The following SPAM1 variants were observed in gnomAD, a reference collection of about 807,000 sequenced individuals.
SPAM1 encodes the protein sperm adhesion molecule 1, also known as hyaluronidase PH-20.
Under a neutral mutation model 29.6 loss-of-function variants are expected in SPAM1, and 22 were observed. That is an observed-to-expected ratio of 0.74 (90% CI 0.53 to 1.06). SPAM1 has a LOEUF of 1.06. Ranked by LOEUF, SPAM1 falls within the 50% of genes least tolerant of loss-of-function variation. The pLI is 0.00. For synonymous variants in SPAM1, 194 were observed against 204.6 expected, an observed-to-expected ratio of 0.95 and a Z score of 0.44; for missense variants, 534 against 604.0, an observed-to-expected ratio of 0.88 and a Z score of 1.21.
chr7:123,971,106 C>A (rs1429757947), exon 7 of SPAM1: 2 of 152,080 alleles, frequency 1.3e-5, no homozygotes, highest in African/African-American at 4.8e-5. Flanking sequence ...CAAAGATAGA[C>A]CTTCCCTCAA....
rs756806194 is a variant in SPAM1 at position 123,959,569 on chromosome 7, G to A, written c.1130G>A (p.Ser377Asn). The A allele has an allele frequency of 6.2e-7, 1 of 1,613,110 alleles. No homozygotes were observed. The highest frequency in any genetic ancestry group is 1.1e-5 in the South Asian group (1 of 91,056). ...INVTLAAKMC[S>N]QVLCQEQGVC... ...GTCACACTAGCAGCCAAAATGTGTA[G>A]CCAAGTGCTTTGCCAGGAGCAAGGA... Residue 377 changes from serine to asparagine, a missense_variant, in exon 5 of 5, where the codon AGC becomes AAC. By Grantham distance (46) the Ser-to-Asn change is conservative. Coordinates refer to ENST00000682466, the MANE Select transcript of SPAM1 (RefSeq NM_153189.3).
downstream of SPAM1, among the ~76,000 whole-genome samples, chr7:123,962,730 A>ATAC (rs1416853846): frequency 1.3e-5 from 2 of 151,896 alleles, no homozygotes; most frequent in Non-Finnish European, 2.9e-5. Context: ...TTATGAAATA[A>ATAC]TACTAAGTGG....
At chr7:123,930,325 A>G (rs1168596932) in intron 1 of SPAM1, among the ~76,000 whole-genome samples, 1 of 152,170 alleles carries the variant, frequency 6.6e-6, no homozygotes, top group Non-Finnish European at 1.5e-5. Flanking sequence ...CCATTCTAAC[A>G]GTAACTCAAT....
In SPAM1 at chr7:123,953,521, C is replaced by A. The variant is rs745762504; in HGVS notation, c.-50C>A. Reference sequence around the variant, plus strand: ...TACTTTGCATCAGATATTGGGTAAACCAAAGTGTGTAGGAAGAAATAAATG... The same window carrying A: ...TACTTTGCATCAGATATTGGGTAAAACAAAGTGTGTAGGAAGAAATAAATG... On this transcript the variant is annotated 5_prime_UTR_variant, in exon 3 of 5. Coordinates refer to ENST00000682466, the MANE Select transcript of SPAM1 (RefSeq NM_153189.3). 15 of 1,271,868 alleles carry A rather than the reference C, an allele frequency of 1.2e-5. No homozygotes were observed. The highest frequency in any genetic ancestry group is 1.5e-5 in the Non-Finnish European group (14 of 918,398). The allele number at this position is 1,271,868 out of a possible 1,614,324, so 78.8% of individuals were successfully genotyped here. A position where few individuals can be genotyped will look rare whatever the true frequency, so the allele number is the denominator to read the frequency against.
intron 1 of SPAM1, among the ~76,000 whole-genome samples, chr7:123,943,931 A>AT (rs1808499431): frequency 1.3e-5 from 2 of 152,290 alleles, no homozygotes; most frequent in South Asian, 4.1e-4. Context: ...TAAAACTTTA[A>AT]TTATCTTGAC....
chr7:123,957,383 C>T (rs576002039), intron 4 of SPAM1, among the ~76,000 whole-genome samples: 8 of 151,910 alleles, frequency 5.3e-5, no homozygotes, highest in South Asian at 4.2e-4. Context: ...ATGAACCTGC[C>T]GTGCTAGTGA....
At chr7:123,952,647 A>G (rs965183289) in intron 2 of SPAM1, among the ~76,000 whole-genome samples, 1 of 152,170 alleles carries the variant, frequency 6.6e-6, no homozygotes, top group African/African-American at 2.4e-5. Context: ...ATCAAATGCT[A>G]TAAAAAGATG....
intron 2 of SPAM1, among the ~76,000 whole-genome samples, chr7:123,950,728 G>C (rs1042162459): frequency 3.9e-5 from 6 of 152,118 alleles, no homozygotes; most frequent in Non-Finnish European, 7.4e-5. Flanking sequence ...GAAGATTTGA[G>C]TGAAGCTGTC....
chr7:123,930,846 C>G (rs951661165), intron 1 of SPAM1, among the ~76,000 whole-genome samples: 2 of 152,138 alleles, frequency 1.3e-5, no homozygotes, highest in African/African-American at 4.8e-5. Flanking sequence ...CACCCACCAC[C>G]TAGCAAGCTC....
chr7:123,928,008 T>A (rs556725764), intron 1 of SPAM1, among the ~76,000 whole-genome samples: 183 of 152,236 alleles, frequency 1.2e-3, no homozygotes, highest in Non-Finnish European at 2.1e-3. Context: ...TGACGGCGCA[T>A]TGTAAGAGTT....
At chr7:123,966,972 G>A (rs1407800615) in intron 5 of SPAM1, among the ~76,000 whole-genome samples, 1 of 151,964 alleles carries the variant, frequency 6.6e-6, no homozygotes, top group African/African-American at 2.4e-5. Context: ...AGGTTATCAA[G>A]GGCCGTCTGT....
chr7:123,968,647 G>C (rs953634172), intron 5 of SPAM1, among the ~76,000 whole-genome samples: 1 of 151,918 alleles, frequency 6.6e-6, no homozygotes, highest in Non-Finnish European at 1.5e-5. Context: ...AAAAGATAAG[G>C]GCAGTGTCTT....
At chr7:123,938,477 A>C (rs1446158521) in intron 1 of SPAM1, among the ~76,000 whole-genome samples, 1 of 152,196 alleles carries the variant, frequency 6.6e-6, no homozygotes, top group Non-Finnish European at 1.5e-5. Context: ...TACTTGTTGC[A>C]TTATCTTTTG....
intron 1 of SPAM1, among the ~76,000 whole-genome samples, chr7:123,929,177 C>T (rs1206651518): frequency 6.6e-6 from 1 of 152,252 alleles, no homozygotes; most frequent in Non-Finnish European, 1.5e-5. Context: ...CTGTATACAG[C>T]ATTCCACAAA....
intron 1 of SPAM1, among the ~76,000 whole-genome samples, chr7:123,927,486 T>A (rs1193579730): frequency 3.3e-5 from 5 of 152,154 alleles, no homozygotes; most frequent in Admixed American, 3.3e-4. Flanking sequence ...TAGCTAGCTG[T>A]CCCTAGGAAT....
At chr7:123,952,217 A>T (rs948929789) in intron 2 of SPAM1, among the ~76,000 whole-genome samples, 2 of 152,118 alleles carry the variant, frequency 1.3e-5, no homozygotes, top group Non-Finnish European at 2.9e-5. Flanking sequence ...ATGAGGGAAA[A>T]TTCATTATCT....
chr7:123,950,852 G>A (rs1369135326), intron 2 of SPAM1, among the ~76,000 whole-genome samples: 1 of 152,110 alleles, frequency 6.6e-6, no homozygotes, highest in Non-Finnish European at 1.5e-5. Flanking sequence ...GTTTTCCCTA[G>A]AGGTTGTACT....
rs1007443197 is a variant in SPAM1, at chr7:123,957,532, G to C, written c.1045-1952G>C. Among the ~76,000 whole-genome samples, 14 of 152,154 alleles carry C rather than the reference G, an allele frequency of 9.2e-5. 1 individual carries two copies. Among genetic ancestry groups the C allele is most frequent in the African/African-American group, 3.4e-4 (14 of 41,556 alleles). ...AAACACCATTCAAAAATATTGGATT[G>C]TTACGAAGATGGATGGTGTATTAGT... On this transcript the variant is annotated intron_variant, in intron 4 of 4. Coordinates refer to ENST00000682466, the MANE Select transcript of SPAM1 (RefSeq NM_153189.3).
At chr7:123,945,018 C>A (rs1042226484) in intron 1 of SPAM1, among the ~76,000 whole-genome samples, 1 of 151,862 alleles carries the variant, frequency 6.6e-6, no homozygotes, top group African/African-American at 2.4e-5. Context: ...CATAAACCTT[C>A]TTATTATGAC....
Sources: gnomAD v4.1 joint callset for allele counts (sites outside exome capture counted in the v4.1 genomes callset) on GRCh38, gnomAD v4.1.1 for gene constraint, MANE v1.5 for transcripts, NCBI Gene and HGNC (gene_info 2026-07-23, HGNC 2026-07-21) for gene names.